Variants in SCEL observed in about 807,000 individuals in gnomAD.
SCEL encodes sciellin.
Under a neutral mutation model 117.6 loss-of-function variants are expected in SCEL, and 113 were observed. That is an observed-to-expected ratio of 0.96 (90% confidence interval 0.83 to 1.12). The LOEUF (loss-of-function observed/expected upper bound fraction) is 1.12, where lower values mean the gene tolerates loss of function less well. Among genes scored for constraint, SCEL ranks in the 50% most tolerant of loss-of-function variants. SCEL has a pLI of 0.00. For synonymous variants in SCEL, 270 were observed against 256.2 expected, an observed-to-expected ratio of 1.05 and a Z score of -0.51; for missense variants, 785 against 810.8, an observed-to-expected ratio of 0.97 and a Z score of 0.39.
chr13:77,549,879 C>T (rs763114299), intron 1 of SCEL, among the ~76,000 whole-genome samples: 6 of 152,060 alleles, frequency 3.9e-5, no homozygotes, highest in African/African-American at 7.2e-5. Context: ...TGGAGGTGCC[C>T]ATGAGGATGG....
At chr13:77,544,195 C>T (rs1429858890) in intron 1 of SCEL, among the ~76,000 whole-genome samples, 1 of 152,114 alleles carries the variant, frequency 6.6e-6, no homozygotes, top group Non-Finnish European at 1.5e-5. Context: ...AATTGAAGTC[C>T]TTGTTTTTTT....
At chr13:77,545,268 A>G (rs1288442161) in intron 1 of SCEL, among the ~76,000 whole-genome samples, 1 of 152,248 alleles carries the variant, frequency 6.6e-6, no homozygotes, top group African/African-American at 2.4e-5. Flanking sequence ...GCACTTAGAA[A>G]TAAATCCAGT....
intron 9 of SCEL, among the ~76,000 whole-genome samples, chr13:77,578,611 C>A (rs1259011367): frequency 6.6e-6 from 1 of 152,028 alleles, no homozygotes; most frequent in Non-Finnish European, 1.5e-5. Context: ...AGATCAGGTC[C>A]CCAAAGGGAT....
rs146130941 is a variant in SCEL, at chr13:77,599,371, A to G, written c.840A>G (p.Val280=). 2.7e-4 allele frequency: 431 copies of G among 1,612,262 alleles called. 2 individuals carry two copies. Among genetic ancestry groups the G allele is most frequent in the Non-Finnish European group, 3.5e-4 (415 of 1,178,736 alleles). Residue 280 remains valine (V), a synonymous_variant, in exon 14 of 33, where the codon GTA becomes GTG. Transcript: ENST00000349847. ...LDSLFRANPK[V]EEREKRAKSL... is the part of the protein sequence containing the mutation. ...GTCTCTTCAGAGCAAATCCAAAGGT[A>G]GAAGAAAGAGAGAAAAGGTAAGTGC...
Position 77,602,130 on chromosome 13 carries a change from T to A in SCEL, c.977+6T>A. 6.2e-7 allele frequency: 1 copy of A among 1,609,308 alleles called. No homozygotes were observed. The highest frequency in any genetic ancestry group is 8.5e-7 in the Non-Finnish European group (1 of 1,177,514). On this transcript the variant is annotated splice_donor_region_variant and intron_variant, in intron 16 of 32. Transcript: ENST00000349847. The stretch of plus-strand genomic sequence containing the variant: ...ACTGACAAAAATGAGAAAGGGTAAG[T>A]CAATCTCCTACCTTGATGGAGCTCT...
At chr13:77,554,972 G>C (rs929215146) in intron 1 of SCEL, among the ~76,000 whole-genome samples, 7 of 151,908 alleles carry the variant, frequency 4.6e-5, no homozygotes, top group Non-Finnish European at 8.8e-5. Context: ...GCACACAAAG[G>C]CCCCCAATAT....
At chr13:77,610,318 G>C (rs763752778) in intron 22 of SCEL, among the ~76,000 whole-genome samples, 1 of 151,992 alleles carries the variant, frequency 6.6e-6, no homozygotes, top group Non-Finnish European at 1.5e-5. Context: ...TGGGCGTGGT[G>C]GTGGGTGCCT....
chr13:77,565,422 G>A (rs1338344294), intron 5 of SCEL, among the ~76,000 whole-genome samples: 3 of 152,128 alleles, frequency 2.0e-5, no homozygotes. Flanking sequence ...ACCCTCAAAA[G>A]CAGGCCCAGA....
At chr13:77,632,684 T>C (rs2154406272) in intron 28 of SCEL, among the ~76,000 whole-genome samples, 1 of 152,338 alleles carries the variant, frequency 6.6e-6, no homozygotes, top group African/African-American at 2.4e-5. Flanking sequence ...TGTCAGAGTT[T>C]ACTAACATGG....
intron 8 of SCEL, among the ~76,000 whole-genome samples, chr13:77,570,318 A>T (rs1462436695): frequency 1.3e-5 from 2 of 152,230 alleles, no homozygotes; most frequent in African/African-American, 4.8e-5. Flanking sequence ...CCCAAATTTC[A>T]TGTCCCTTGA....
chr13:77,555,552 A>G (rs1346676746), intron 1 of SCEL, among the ~76,000 whole-genome samples: 1 of 152,212 alleles, frequency 6.6e-6, no homozygotes, highest in Non-Finnish European at 1.5e-5. Context: ...GGCAGACTGT[A>G]AGCATTCCAT....
At chr13:77,617,571 G>C in intron 24 of SCEL, 28 bp from the exon 25 acceptor site, 1 of 1,386,844 alleles carries the variant, frequency 7.2e-7, no homozygotes, top group East Asian at 2.3e-5. Context: ...TCTAACCCAA[G>C]TTGCTTTAAT....
intron 30 of SCEL, among the ~76,000 whole-genome samples, chr13:77,639,928 T>G (rs1042866562): frequency 6.6e-6 from 1 of 152,150 alleles, no homozygotes; most frequent in African/African-American, 2.4e-5. Context: ...TTCTTAAGGT[T>G]CTGGTGTGAC....
chr13:77,636,051 C>T (rs1277724135), intron 29 of SCEL, among the ~76,000 whole-genome samples: 1 of 152,182 alleles, frequency 6.6e-6, no homozygotes, highest in Non-Finnish European at 1.5e-5. Flanking sequence ...CCGGAAGCCT[C>T]TGAAAGGATT....
intron 4 of SCEL, among the ~76,000 whole-genome samples, chr13:77,562,998 G>T (rs375239848): frequency 1.3e-5 from 2 of 152,220 alleles, no homozygotes; most frequent in East Asian, 1.9e-4. Context: ...ATATCATAGG[G>T]TTATATGAGG....
chr13:77,615,025 A>G (rs2088921348), intron 24 of SCEL, among the ~76,000 whole-genome samples: 1 of 152,158 alleles, frequency 6.6e-6, no homozygotes, highest in African/African-American at 2.4e-5. Flanking sequence ...AGACAATAAT[A>G]GGTTGTCAGT....
At chr13:77,609,395 T>A (rs1463694355) in intron 21 of SCEL, among the ~76,000 whole-genome samples, 1 of 152,192 alleles carries the variant, frequency 6.6e-6, no homozygotes, top group Non-Finnish European at 1.5e-5. Context: ...GCAGAAGGGA[T>A]GGATGACACA....
rs1644575945 is a variant in SCEL, at chr13:77,571,199, T to C, written c.480-925T>C. Reference sequence around the variant, plus strand: ...GGCTCAAGCCTGTAATCCCAGCACTTTGGGAGGCCGAGGCGGGTGGATCAC... The same window carrying C: ...GGCTCAAGCCTGTAATCCCAGCACTCTGGGAGGCCGAGGCGGGTGGATCAC... On this transcript the variant is annotated intron_variant, in intron 8 of 32. Transcript: ENST00000349847. Among the ~76,000 whole-genome samples the C allele has an allele frequency of 2.0e-5, 3 of 150,168 alleles. No individual in the cohort carries two copies. In the South Asian group the frequency reaches 6.4e-4, roughly 32 times the overall value.
intron 27 of SCEL, among the ~76,000 whole-genome samples, chr13:77,625,839 G>A (rs2089703155): frequency 6.6e-6 from 1 of 152,056 alleles, no homozygotes; most frequent in African/African-American, 2.4e-5. Context: ...CACTATTTAG[G>A]ACCACGAGAG....
Sources: allele counts gnomAD v4.1 joint callset (sites outside exome capture counted in the v4.1 genomes callset), GRCh38; gene constraint gnomAD v4.1.1; transcripts MANE v1.5; gene names NCBI Gene and HGNC (gene_info 2026-07-23, HGNC 2026-07-21).